Variants in ENTPD1 observed in about 807,000 individuals in gnomAD.
ENTPD1 encodes ATP diphosphohydrolase.
In ENTPD1, 33 loss-of-function variants were observed where a neutral mutation model predicts 57.0. The ratio of observed to expected loss-of-function variants is 0.58; its 90% confidence interval spans 0.44 to 0.77. The LOEUF (loss-of-function observed/expected upper bound fraction) is 0.77. Ranked by LOEUF, ENTPD1 falls within the 30% of genes least tolerant of loss-of-function variation. The pLI is 0.00. For synonymous variants in ENTPD1, 202 were observed against 218.8 expected (o/e 0.92, Z 0.68); for missense variants, 501 against 603.4 (o/e 0.83, Z 1.78).
At chr10:95,859,333 G>C (rs1450440123) in intron 7 of ENTPD1, among the ~76,000 whole-genome samples, 1 of 152,170 alleles carries the variant, frequency 6.6e-6, no homozygotes, top group Non-Finnish European at 1.5e-5. Flanking sequence ...CCAAAACTCT[G>C]TTTCTTTGCC....
In ENTPD1 at chr10:95,872,933, A is replaced by C. The variant is rs1489909687; in HGVS notation, c.*6550A>C. 3 of 985,332 alleles carry C rather than the reference A, an allele frequency of 3.0e-6. No individual in the cohort carries two copies. The African/African-American group carries it at 5.2e-5, about 17-fold the overall frequency. The allele number at this position is 985,332 out of a possible 1,614,324, so 61.0% of individuals were successfully genotyped here. ...TTAGTTTCTGTGTAGTTTGCCATGC[A>C]GCACTTCATTGTACACATTATTAAA... On this transcript the variant is annotated 3_prime_UTR_variant, in exon 10 of 10. Coordinates refer to ENST00000371205, the MANE Select transcript of ENTPD1 (RefSeq NM_001776.6).
At chr10:95,852,434 A>T (rs369827058) in intron 7 of ENTPD1, among the ~76,000 whole-genome samples, 1 of 152,128 alleles carries the variant, frequency 6.6e-6, no homozygotes, top group Non-Finnish European at 1.5e-5. Flanking sequence ...CTTTAGTTTA[A>T]TTAGATCCCA....
intron 1 of ENTPD1, among the ~76,000 whole-genome samples, chr10:95,750,475 C>T (rs1439864581): frequency 6.6e-6 from 1 of 152,164 alleles, no homozygotes; most frequent in African/African-American, 2.4e-5. Context: ...CCAGCTCCCC[C>T]TTCACCTTCT....
chr10:95,838,038 AGACCATAC>A (rs1199959927), intron 2 of ENTPD1, among the ~76,000 whole-genome samples: 3 of 152,116 alleles, frequency 2.0e-5, no homozygotes, highest in African/African-American at 7.2e-5. Flanking sequence ...TTAAAGTGGC[AGACCATAC>A]TTTGAGGTCT....
intron 1 of ENTPD1, among the ~76,000 whole-genome samples, chr10:95,767,329 A>G (rs1306849815): frequency 1.3e-5 from 2 of 150,744 alleles, no homozygotes; most frequent in African/African-American, 4.9e-5. Flanking sequence ...AAAAAAAAAA[A>G]AAAAGAAAGA....
intron 1 of ENTPD1, among the ~76,000 whole-genome samples, chr10:95,713,168 TA>T (rs2097967807): frequency 6.6e-6 from 1 of 152,160 alleles, no homozygotes; most frequent in Admixed American, 6.5e-5. Context: ...GTTTATATAG[TA>T]AAAACTTATT....
chr10:95,756,053 C>A, upstream of ENTPD1: 1 of 1,483,628 alleles, frequency 6.7e-7, no homozygotes, highest in South Asian at 1.4e-5. Flanking sequence ...CCTTTCTAGT[C>A]AATGAAAAAG....
rs762259255 is a variant in ENTPD1, at chr10:95,847,492, A to G, written c.860A>G (p.Tyr287Cys). 6.2e-7 allele frequency: 1 copy of G among 1,614,178 alleles called. No individual in the cohort carries two copies. Among genetic ancestry groups the G allele is most frequent in the Admixed American group, 1.7e-5 (1 of 60,028 alleles). The change falls in exon 7 of 10, where the codon TAT (tyrosine) becomes TGT (cysteine). Residue 287 changes from tyrosine to cysteine, a missense_variant. Coordinates refer to ENST00000371205, the MANE Select transcript of ENTPD1 (RefSeq NM_001776.6). ...AGGGACCCATGCTTTCATCCTGGAT[A>G]TAAGAAGGTAGTGAACGTAAGTGAC... Reference protein sequence around the residue: ...ILRDPCFHPGYKKVVNVSDLY... With the variant: ...ILRDPCFHPGCKKVVNVSDLY...
In ENTPD1 at chr10:95,873,197, A is replaced by C. The variant is rs1242437857; in HGVS notation, c.*6814A>C. 1.6e-5 allele frequency: 16 copies of C among 985,344 alleles called. No individual in the cohort carries two copies. Among genetic ancestry groups the C allele is most frequent in the Non-Finnish European group, 1.9e-5 (16 of 829,944 alleles). The allele number at this position is 985,344 out of a possible 1,614,324, so 61.0% of individuals were successfully genotyped here. On this transcript the variant is annotated 3_prime_UTR_variant, in exon 10 of 10. Transcript: ENST00000371205. ...TATCAAAGGTCTAGATGACATTATC[A>C]TTCCAAAGAGTTTCTTTTACAGGCT...
intron 1 of ENTPD1, among the ~76,000 whole-genome samples, chr10:95,722,179 TCTC>T (rs1431228128): frequency 6.6e-6 from 1 of 151,818 alleles, no homozygotes; most frequent in Non-Finnish European, 1.5e-5. Flanking sequence ...ATTAGGCAAT[TCTC>T]CTAACTCTGC....
chr10:95,704,460 T>C, the ENTPD1 span, among the ~76,000 whole-genome samples: 1 of 152,064 alleles, frequency 6.6e-6, no homozygotes, highest in African/African-American at 2.4e-5. Context: ...AATAGATCAA[T>C]GGAAAAGAAT....
At chr10:95,764,408 G>A (rs2140029686) in intron 1 of ENTPD1, among the ~76,000 whole-genome samples, 1 of 152,220 alleles carries the variant, frequency 6.6e-6, no homozygotes, top group East Asian at 1.9e-4. Flanking sequence ...ATATACCTAG[G>A]AGCAAAATTG....
Position 95,740,433 on chromosome 10 carries a change from G to A in ENTPD1, c.37+28440G>A, listed in dbSNP as rs534861728. On this transcript the variant is annotated intron_variant, in intron 1 of 9. Coordinates refer to the ENTPD1 transcript ENST00000453258. ...AGCCACTGCACCCGGCCCATTTAAC[G>A]TAATTCTTAAAGGCCCTAGGATTTT... is the stretch of plus-strand genomic sequence containing the variant. 2.6e-5 allele frequency among the ~76,000 whole-genome samples: 4 copies of A among 152,232 alleles called. No individual in the cohort carries two copies. The South Asian group carries it at 8.3e-4, about 32-fold the overall frequency.
intron 8 of ENTPD1, 109 bp from the exon 9 acceptor site, chr10:95,864,615 C>T: frequency 6.8e-7 from 1 of 1,465,004 alleles, no homozygotes; most frequent in Non-Finnish European, 9.5e-7. Flanking sequence ...CCTTCAGGTG[C>T]ACTGGAGCTG....
Position 95,822,651 on chromosome 10 carries a change from A to T in ENTPD1, c.17-586A>T, listed in dbSNP as rs182353457. 4.2e-3 allele frequency among the ~76,000 whole-genome samples: 642 copies of T among 152,362 alleles called. 5 individuals are homozygous for T. Among genetic ancestry groups the T allele is most frequent in the Middle Eastern group, 0.01 (3 of 294 alleles). ...AGCTTTTCTAATGTCCCATGACAGA[A>T]TGAGACTAAAGACAAAATAAATAAG... On this transcript the variant is annotated intron_variant, in intron 1 of 9. Transcript: ENST00000371205.
intron 9 of ENTPD1, among the ~76,000 whole-genome samples, chr10:95,865,937 T>C (rs2098473622): frequency 1.3e-5 from 2 of 152,056 alleles, no homozygotes; most frequent in Admixed American, 1.3e-4. Flanking sequence ...CCAGCTAATT[T>C]TATTTTTTAG....
intron 1 of ENTPD1, among the ~76,000 whole-genome samples, chr10:95,772,269 G>C (rs2098118305): frequency 6.6e-6 from 1 of 152,150 alleles, no homozygotes; most frequent in African/African-American, 2.4e-5. Flanking sequence ...TTACCACATT[G>C]AATGACTCTT....
chr10:95,767,780 G>A (rs1382636247), intron 1 of ENTPD1, among the ~76,000 whole-genome samples: 1 of 152,026 alleles, frequency 6.6e-6, no homozygotes, highest in Admixed American at 6.6e-5. Flanking sequence ...TTCCTCCATT[G>A]TCTTGAGAAG....
intron 1 of ENTPD1, among the ~76,000 whole-genome samples, chr10:95,797,379 G>A (rs968239926): frequency 5.3e-5 from 8 of 152,206 alleles, no homozygotes; most frequent in African/African-American, 1.2e-4. Context: ...AGGGAATCAC[G>A]GCCATAAAGA....
Sources: gnomAD v4.1 joint callset for allele counts (sites outside exome capture counted in the v4.1 genomes callset) on GRCh38, gnomAD v4.1.1 for gene constraint, MANE v1.5 for transcripts, NCBI Gene and HGNC (gene_info 2026-07-23, HGNC 2026-07-21) for gene names.